Variants in TMEM108 observed in about 807,000 individuals in gnomAD.
TMEM108 encodes the protein transmembrane protein 108, also known as cancer/testis antigen 124.
In TMEM108, 12 loss-of-function variants were observed where a neutral mutation model predicts 35.1. The observed-to-expected ratio is 0.34, with a 90% CI of 0.22 to 0.55. The LOEUF is 0.55. Ranked by LOEUF, TMEM108 falls within the 20% of genes least tolerant of loss-of-function variation. The pLI is 0.89. For synonymous variants in TMEM108, 287 were observed against 308.6 expected (o/e 0.93, Z 0.73); for missense variants, 680 against 753.3 (o/e 0.90, Z 1.14).
chr3:133,374,886 C>A (rs1217909259), intron 3 of TMEM108, among the ~76,000 whole-genome samples: 1 of 152,124 alleles, frequency 6.6e-6, no homozygotes, highest in African/African-American at 2.4e-5. Flanking sequence ...AATGGCAGAG[C>A]CCCCTGGGGA....
At chr3:133,089,548 A>G (rs1965461) in intron 2 of TMEM108, among the ~76,000 whole-genome samples, 23,185 of 152,172 alleles carry the variant, frequency 0.15, 1,805 homozygotes, top group East Asian at 0.19. Flanking sequence ...GTCTAGTGAC[A>G]CCAATTATAG....
chr3:133,174,777 C>T (rs2107794331), intron 2 of TMEM108, among the ~76,000 whole-genome samples: 1 of 152,318 alleles, frequency 6.6e-6, no homozygotes, highest in South Asian at 2.1e-4. Context: ...CGCTTCTCTC[C>T]TCCAAAGGAA....
At chr3:133,144,657 C>A (rs536402684) in intron 2 of TMEM108, among the ~76,000 whole-genome samples, 11 of 152,270 alleles carry the variant, frequency 7.2e-5, no homozygotes, top group African/African-American at 2.6e-4. Context: ...TAATGATCGC[C>A]ATTCTAACTG....
At chr3:133,302,664 C>T (rs1947245766) in intron 3 of TMEM108, among the ~76,000 whole-genome samples, 1 of 152,074 alleles carries the variant, frequency 6.6e-6, no homozygotes, top group South Asian at 2.1e-4. Flanking sequence ...TCATGATCCT[C>T]CCGCCTCGGC....
chr3:133,268,357 C>T (rs967580238), intron 3 of TMEM108, among the ~76,000 whole-genome samples: 11 of 152,276 alleles, frequency 7.2e-5, no homozygotes, highest in Middle Eastern at 3.4e-3. Context: ...GCAGCTTTGA[C>T]ATTACCTGGG....
At chr3:133,216,589 T>C (rs1945912569) in intron 2 of TMEM108, among the ~76,000 whole-genome samples, 1 of 152,118 alleles carries the variant, frequency 6.6e-6, no homozygotes, top group Admixed American at 6.6e-5. Context: ...AAATAACGTC[T>C]CCCCAACTCC....
intron 3 of TMEM108, among the ~76,000 whole-genome samples, chr3:133,270,395 C>T (rs73221144): frequency 0.044 from 6,767 of 152,218 alleles, 191 homozygotes; most frequent in Non-Finnish European, 0.064. Context: ...TTCTAAAGGA[C>T]CTTGAAACCT....
intron 3 of TMEM108, among the ~76,000 whole-genome samples, chr3:133,311,865 T>C (rs1056569238): frequency 1.3e-5 from 2 of 152,230 alleles, no homozygotes; most frequent in South Asian, 2.1e-4. Flanking sequence ...CCTTTGGTCT[T>C]TGATGATGGT....
intron 3 of TMEM108, among the ~76,000 whole-genome samples, chr3:133,303,023 T>C (rs905132581): frequency 6.6e-6 from 1 of 152,188 alleles, no homozygotes; most frequent in East Asian, 1.9e-4. Flanking sequence ...ACCCATCTAC[T>C]GGTAAAGCCT....
At chr3:133,370,487 C>T (rs910904792) in intron 3 of TMEM108, among the ~76,000 whole-genome samples, 9 of 152,136 alleles carry the variant, frequency 5.9e-5, no homozygotes, top group Admixed American at 3.3e-4. Flanking sequence ...TGGCTGAGGT[C>T]GTGTCTCTCT....
chr3:133,246,999 A>G (rs898475881), intron 3 of TMEM108: 5 of 152,224 alleles, frequency 3.3e-5, no homozygotes, highest in African/African-American at 9.6e-5. Context: ...TGCTATGGAC[A>G]TTAGCAGACC....
At chr3:133,256,841 C>T (rs1400701007) in intron 3 of TMEM108, among the ~76,000 whole-genome samples, 1 of 152,130 alleles carries the variant, frequency 6.6e-6, no homozygotes, top group Non-Finnish European at 1.5e-5. Context: ...CCAAACTAGC[C>T]AGTTAAGTGC....
intron 3 of TMEM108, among the ~76,000 whole-genome samples, chr3:133,283,565 T>C (rs186600682): frequency 0.014 from 2,143 of 152,172 alleles, 59 homozygotes; most frequent in African/African-American, 0.049. Context: ...AAGTTAGCAG[T>C]TTTCCTCTAT....
intron 2 of TMEM108, among the ~76,000 whole-genome samples, chr3:133,050,847 C>A (rs1460011876): frequency 6.6e-6 from 1 of 151,962 alleles, no homozygotes; most frequent in African/African-American, 2.4e-5. Context: ...TAGCTCATTT[C>A]CTTTTAGCAC....
intron 2 of TMEM108, among the ~76,000 whole-genome samples, chr3:133,168,427 A>C (rs1945076888): frequency 6.6e-6 from 1 of 152,108 alleles, no homozygotes; most frequent in African/African-American, 2.4e-5. Flanking sequence ...GAGGGAGGCG[A>C]GGGGGATTGA....
intron 2 of TMEM108, among the ~76,000 whole-genome samples, chr3:133,118,381 T>C (rs1288904526): frequency 6.6e-6 from 1 of 152,178 alleles, no homozygotes; most frequent in Non-Finnish European, 1.5e-5. Flanking sequence ...ATCTCCTTCA[T>C]GTTAATGCAA....
intron 2 of TMEM108, among the ~76,000 whole-genome samples, chr3:133,088,396 G>C (rs1408822559): frequency 1.3e-5 from 2 of 152,182 alleles, no homozygotes; most frequent in Admixed American, 6.5e-5. Flanking sequence ...GTGTGTTTGA[G>C]AAAACTGAGT....
At chr3:133,048,047 T>G (rs898195197) in intron 2 of TMEM108, among the ~76,000 whole-genome samples, 1 of 152,180 alleles carries the variant, frequency 6.6e-6, no homozygotes, top group Non-Finnish European at 1.5e-5. Flanking sequence ...CTTCATGTTC[T>G]GGTTCATTGT....
At chr3:133,086,561 A>G (rs1355207578) in intron 2 of TMEM108, among the ~76,000 whole-genome samples, 2 of 152,206 alleles carry the variant, frequency 1.3e-5, no homozygotes, top group African/African-American at 2.4e-5. Flanking sequence ...TTAATGAACT[A>G]TTACGAGATG....
Sources: gnomAD v4.1 joint callset for allele counts (sites outside exome capture counted in the v4.1 genomes callset) on GRCh38, gnomAD v4.1.1 for gene constraint, MANE v1.5 for transcripts, NCBI Gene and HGNC (gene_info 2026-07-23, HGNC 2026-07-21) for gene names.